USP9X: variants seen among roughly 807,000 people sequenced by gnomAD.
USP9X encodes ubiquitin specific peptidase 9 X-linked, also known as ubiquitin carboxyl-terminal hydrolase 9X.
Under a neutral mutation model 190.3 loss-of-function variants are expected in USP9X, and 7 were observed. The ratio of observed to expected loss-of-function variants is 0.04; its 90% CI spans 0.02 to 0.07. The LOEUF (loss-of-function observed/expected upper bound fraction) is 0.07. Among genes scored for constraint, USP9X ranks in the 10% least tolerant of loss-of-function variants. The pLI is 1.00. For synonymous variants in USP9X, 645 were observed against 659.5 expected (o/e 0.98, Z 0.34); for missense variants, 1,010 against 1,916.9 (o/e 0.53, Z 8.83).
chrX:41,116,792 G>T (rs1329746030), intron 1 of USP9X, among the ~76,000 whole-genome samples: 1 of 111,626 alleles, frequency 9.0e-6, no homozygotes, highest in Non-Finnish European at 1.9e-5. Flanking sequence ...TTTTGTGTGG[G>T]TAATAGCATC....
At chrX:41,135,378 C>T (rs2062362797) in intron 5 of USP9X, among the ~76,000 whole-genome samples, 1 of 110,966 alleles carries the variant, frequency 9.0e-6, no homozygotes, top group African/African-American at 3.3e-5. Context: ...AGTCTGAATT[C>T]AAATTATAGT....
At chrX:41,197,227 A>C in intron 28 of USP9X, 137 bp from the exon 29 acceptor site, 1 of 404,681 alleles carries the variant, frequency 2.5e-6, no homozygotes, top group Non-Finnish European at 4.1e-6. Flanking sequence ...AGTTGTTTGA[A>C]TGGAAAGACT....
rs1321127 is a variant in USP9X, at chrX:41,201,360, A to G, written c.4824+80A>G. The G allele has an allele frequency of 0.12, 113,146 of 951,038 alleles. 5,577 individuals carry two copies. The highest frequency in any genetic ancestry group is 0.27 in the Admixed American group (11,195 of 41,776). 78.4% of individuals were successfully genotyped at this position (951,038 alleles called of 1,213,427 possible). A position where few individuals can be genotyped will look rare whatever the true frequency, so the allele number is the denominator to read the frequency against. On this transcript the variant is annotated intron_variant, in intron 31 of 44. Transcript: ENST00000378308. ...CTATTCTCTCTTAAGAGAGTGTTATACTTTCATCAAACGTATTAAAGTATA... is the reference window on the plus strand; with the variant it reads ...CTATTCTCTCTTAAGAGAGTGTTATGCTTTCATCAAACGTATTAAAGTATA...
chrX:41,093,592 C>T (rs2061968966), intron 1 of USP9X, among the ~76,000 whole-genome samples: 2 of 111,515 alleles, frequency 1.8e-5, no homozygotes, highest in Non-Finnish European at 3.8e-5. Flanking sequence ...ATCCGCCTGC[C>T]TCGGCTTCCC....
chrX:41,170,710 G>A, intron 20 of USP9X, 91 bp downstream of exon 20: 1 of 928,636 alleles, frequency 1.1e-6, no homozygotes, highest in Non-Finnish European at 1.4e-6. Flanking sequence ...TTCTTTTCTT[G>A]AGGAGCTTAC....
At position 41,140,056 on chromosome X, in the gene USP9X, C is replaced by A. The variant is rs1322551862; in HGVS notation, c.655-600C>A. On this transcript the variant is annotated intron_variant, in intron 6 of 44. Transcript: ENST00000378308. ...TACAGCTCTTTCTTAGACAGTTCAT[C>A]CTGTTGCATGGTGTTACTTCTAAGA... is the stretch of plus-strand genomic sequence containing the variant. 2.7e-5 allele frequency among the ~76,000 whole-genome samples: 3 copies of A among 111,955 alleles called. No individual in the cohort carries two copies. In the Admixed American group the frequency reaches 2.8e-4, roughly 11 times the overall value.
In USP9X at chrX:41,134,957, TA is replaced by T. The variant is rs933460102; in HGVS notation, c.435+125del. On this transcript the variant is annotated intron_variant, in intron 5 of 44. Coordinates refer to ENST00000378308, the MANE Select transcript of USP9X (RefSeq NM_001039591.3). ...TCTGTTATAATTGAATTAAAAGGTC[TA>T]AAAATGAAAAACTTAAAAATGTTTA... The T allele has an allele frequency of 5.7e-6, 3 of 530,068 alleles. No individual in the cohort carries two copies. In the African/African-American group the frequency reaches 7.3e-5, roughly 13 times the overall value. The allele number at this position is 530,068 out of a possible 1,213,427, so 43.7% of individuals were successfully genotyped here. A position where few individuals can be genotyped will look rare whatever the true frequency, so the allele number is the denominator to read the frequency against.
At chrX:41,178,400 C>T (rs1033454198) in intron 21 of USP9X, among the ~76,000 whole-genome samples, 4 of 110,607 alleles carry the variant, frequency 3.6e-5, no homozygotes, top group Non-Finnish European at 7.6e-5. Flanking sequence ...AGTGCCCCTG[C>T]CAAGTCATCC....
chrX:41,208,678 T>C (rs1334641575), intron 32 of USP9X, among the ~76,000 whole-genome samples: 2 of 108,187 alleles, frequency 1.8e-5, no homozygotes, highest in African/African-American at 6.8e-5. Flanking sequence ...TTTTGGTTTA[T>C]TTTTTTTTTA....
At chrX:41,211,283 G>A (rs2063155400) in intron 33 of USP9X, among the ~76,000 whole-genome samples, 1 of 112,348 alleles carries the variant, frequency 8.9e-6, no homozygotes, top group South Asian at 3.6e-4. Context: ...GAGCCACTGC[G>A]CCTGGCCTAC....
rs930023740 is a variant in USP9X at position 41,224,670 on chromosome X, A to G, written c.6752-72A>G. The G allele has an allele frequency of 9.0e-5, 81 of 904,558 alleles. No individual in the cohort carries two copies. In the African/African-American group the frequency reaches 1.1e-3, roughly 12 times the overall value. 74.5% of individuals were successfully genotyped at this position (904,558 alleles called of 1,213,427 possible). A position where few individuals can be genotyped will look rare whatever the true frequency, so the allele number is the denominator to read the frequency against. ...AAAAAAAAATTATAGGCTATTTTCT[A>G]TCGTGAAAGTTGTGTATTATTATTG... On this transcript the variant is annotated intron_variant, in intron 39 of 44. Transcript: ENST00000378308.
At chrX:41,139,399 G>A (rs769907239) in intron 6 of USP9X, among the ~76,000 whole-genome samples, 3 of 112,388 alleles carry the variant, frequency 2.7e-5, no homozygotes, top group South Asian at 3.6e-4. Flanking sequence ...GGTGGCTCAC[G>A]CCTGTAATCC....
chrX:41,096,122 C>T (rs549435785), intron 1 of USP9X, among the ~76,000 whole-genome samples: 1 of 112,210 alleles, frequency 8.9e-6, no homozygotes. Flanking sequence ...AGAAGGGAAT[C>T]TGGGTTACAG....
At chrX:41,180,681 G>T (rs1173308172) in intron 21 of USP9X, among the ~76,000 whole-genome samples, 1 of 111,721 alleles carries the variant, frequency 9.0e-6, no homozygotes, top group East Asian at 2.8e-4. Flanking sequence ...TTGTGTAATT[G>T]CAGGGATTAA....
At chrX:41,209,759 ATTAT>A (rs769160946) in intron 32 of USP9X, among the ~76,000 whole-genome samples, 1 of 112,514 alleles carries the variant, frequency 8.9e-6, no homozygotes, top group African/African-American at 3.2e-5. Flanking sequence ...TAGAGATCAG[ATTAT>A]TTGCTATGTA....
chrX:41,233,353 T>C lies in USP9X; in HGVS notation c.*829T>C, dbSNP rs1043324819. ...CTATTTTCAGTTGCACATATGTTCC[T>C]TATATATAATGTTTGACAGTTCAAT... On this transcript the variant is annotated 3_prime_UTR_variant, in exon 45 of 45. Transcript: ENST00000378308. 1 of 112,266 alleles carries C rather than the reference T, an allele frequency of 8.9e-6. No homozygotes were observed. The highest frequency in any genetic ancestry group is 1.9e-5 in the Non-Finnish European group (1 of 53,257). 9.3% of individuals were successfully genotyped at this position (112,266 alleles called of 1,213,427 possible).
intron 30 of USP9X, among the ~76,000 whole-genome samples, chrX:41,198,955 G>C (rs945685093): frequency 5.4e-5 from 6 of 111,988 alleles, no homozygotes; most frequent in African/African-American, 1.9e-4. Context: ...GGGAGGCCAA[G>C]GTGGGTGGAT....
chrX:41,113,799 C>CA (rs1309576339), intron 1 of USP9X, among the ~76,000 whole-genome samples: 1 of 111,410 alleles, frequency 9.0e-6, no homozygotes, highest in African/African-American at 3.3e-5. Context: ...AAAGGTGTGT[C>CA]ATGAACGCGT....
intron 1 of USP9X, among the ~76,000 whole-genome samples, chrX:41,107,092 G>A (rs761870650): frequency 9.3e-6 from 1 of 108,098 alleles, no homozygotes; most frequent in Non-Finnish European, 1.9e-5. Context: ...CACAATGTTG[G>A]CCAGGCTGGT....
Sources: allele counts gnomAD v4.1 joint callset (sites outside exome capture counted in the v4.1 genomes callset), GRCh38; gene constraint gnomAD v4.1.1; transcripts MANE v1.5; gene names NCBI Gene and HGNC (gene_info 2026-07-23, HGNC 2026-07-21).